DGKH: variants seen among roughly 807,000 people sequenced by gnomAD.
The protein encoded by DGKH is diacylglycerol kinase eta.
A neutral mutation model predicts 159.3 loss-of-function variants in DGKH; 90 were observed. The ratio of observed to expected loss-of-function variants is 0.57; its 90% CI spans 0.48 to 0.67. The LOEUF (loss-of-function observed/expected upper bound fraction) is 0.67. Ranked by LOEUF, DGKH falls within the 30% of genes least tolerant of loss-of-function variation. The pLI is 0.00. For synonymous variants in DGKH, 536 were observed against 553.8 expected, an observed-to-expected ratio of 0.97 and a Z score of 0.45; for missense variants, 1,181 against 1,506.1, an observed-to-expected ratio of 0.78 and a Z score of 3.57.
At chr13:42,101,250 T>C (rs1954646921) in intron 1 of DGKH, among the ~76,000 whole-genome samples, 1 of 152,244 alleles carries the variant, frequency 6.6e-6, no homozygotes, top group African/African-American at 2.4e-5. Context: ...CTGCGTATCC[T>C]TTAAAAATAG....
intron 1 of DGKH, among the ~76,000 whole-genome samples, chr13:42,121,433 A>G (rs1955070276): frequency 6.6e-6 from 1 of 152,202 alleles, no homozygotes; most frequent in Non-Finnish European, 1.5e-5. Context: ...TCAACTTATG[A>G]TGAGTTTATT....
In DGKH at chr13:42,048,679, A is replaced by C; in HGVS notation, c.-95A>C. 8.3e-7 allele frequency: 1 copy of C among 1,205,348 alleles called. No homozygotes were observed. The highest frequency in any genetic ancestry group is 1.0e-6 in the Non-Finnish European group (1 of 967,410). 74.7% of individuals were successfully genotyped at this position (1,205,348 alleles called of 1,614,324 possible). ...CGGAAGATGGCGGCGGCGGCCGGGC[A>C]CGGGGTTCCGGGCTCCGCTCGGGCA... On this transcript the variant is annotated 5_prime_UTR_variant, in exon 1 of 30. Coordinates refer to ENST00000337343, the MANE Select transcript of DGKH (RefSeq NM_178009.5). This position sits in a 1 kb window ranked among gnomAD's most constrained non-coding sequence, Gnocchi z 6.7.
At chr13:42,083,539 A>C (rs1235103155) in intron 1 of DGKH, among the ~76,000 whole-genome samples, 1 of 152,232 alleles carries the variant, frequency 6.6e-6, no homozygotes, top group African/African-American at 2.4e-5. Flanking sequence ...GCGCCATTTT[A>C]TCTAGCGCCG....
intron 1 of DGKH, among the ~76,000 whole-genome samples, chr13:42,121,780 A>G (rs1043906280): frequency 2.0e-5 from 3 of 152,212 alleles, no homozygotes; most frequent in Non-Finnish European, 4.4e-5. Flanking sequence ...CATGGTTTCT[A>G]TGGAAAGATG....
intron 13 of DGKH, among the ~76,000 whole-genome samples, chr13:42,179,601 T>A (rs1956696010): frequency 6.6e-6 from 1 of 151,964 alleles, no homozygotes; most frequent in Non-Finnish European, 1.5e-5. Flanking sequence ...TGACAAAACC[T>A]CATCTCTACT....
At chr13:42,127,392 C>A in intron 1 of DGKH, 71 bp from the exon 2 acceptor site, 1 of 1,060,820 alleles carries the variant, frequency 9.4e-7, no homozygotes, top group South Asian at 1.3e-5. Context: ...GAAAATGCAC[C>A]ATTGGCTCTG....
At chr13:42,041,882 C>T (rs1255646720) in intron 1 of DGKH, among the ~76,000 whole-genome samples, 1 of 152,200 alleles carries the variant, frequency 6.6e-6, no homozygotes, top group Non-Finnish European at 1.5e-5. Flanking sequence ...TGCTGTTTTC[C>T]CAGGGACTCT....
intron 29 of DGKH, among the ~76,000 whole-genome samples, chr13:42,248,111 C>T (rs1308454804): frequency 6.6e-6 from 1 of 152,178 alleles, no homozygotes; most frequent in Non-Finnish European, 1.5e-5. Flanking sequence ...AACTTCCAGT[C>T]CTATAAGCTC....
chr13:42,097,931 A>G (rs1045027139), intron 1 of DGKH, among the ~76,000 whole-genome samples: 1 of 152,170 alleles, frequency 6.6e-6, no homozygotes, highest in Non-Finnish European at 1.5e-5. Flanking sequence ...TGTTTGTTCA[A>G]GTGAGTTGAT....
intron 1 of DGKH, among the ~76,000 whole-genome samples, chr13:42,061,648 C>T (rs1462156128): frequency 6.6e-6 from 1 of 152,148 alleles, no homozygotes; most frequent in African/African-American, 2.4e-5. Context: ...TACTCCAGTG[C>T]CAGAGTTATC....
intron 1 of DGKH, among the ~76,000 whole-genome samples, chr13:42,118,489 G>A (rs920512953): frequency 6.6e-6 from 1 of 152,168 alleles, no homozygotes; most frequent in Non-Finnish European, 1.5e-5. Flanking sequence ...CTTAAAGGCC[G>A]CGACCTGGTG....
chr13:42,159,909 TA>T, intron 6 of DGKH, 101 bp from the exon 7 acceptor site: 4 of 1,547,808 alleles, frequency 2.6e-6, no homozygotes, highest in Non-Finnish European at 3.5e-6. Context: ...GCATGAAACG[TA>T]CTACTGACCC....
rs115656162 is a variant in DGKH, at chr13:42,088,185, A to T, written c.192+39220A>T. 8.1e-3 allele frequency among the ~76,000 whole-genome samples: 1,241 copies of T among 152,324 alleles called. 21 individuals carry two copies. The highest frequency in any genetic ancestry group is 0.029 in the African/African-American group (1,194 of 41,578). On this transcript the variant is annotated intron_variant, in intron 1 of 29. Coordinates refer to ENST00000337343, the MANE Select transcript of DGKH (RefSeq NM_178009.5). ...TGCTCAGTGAAAAATATCTTTCAAA[A>T]GTGAAGGCAAAATAAATAATTTTGG...
intron 1 of DGKH, among the ~76,000 whole-genome samples, chr13:42,077,829 A>G (rs182713210): frequency 1.4e-4 from 21 of 152,344 alleles, no homozygotes; most frequent in Non-Finnish European, 2.5e-4. Flanking sequence ...CTATAATGTG[A>G]GCTGCAAGGG....
At chr13:42,254,631 GAAAA>G (rs200462395) in intron 30 of DGKH, among the ~76,000 whole-genome samples, 4,394 of 111,474 alleles carry the variant, frequency 0.039, 91 homozygotes, top group Middle Eastern at 0.13. Flanking sequence ...AGCTCCGTCA[GAAAA>G]AAAAAAAAAA....
At chr13:42,099,668 C>G (rs1251494168) in intron 1 of DGKH, among the ~76,000 whole-genome samples, 1 of 152,148 alleles carries the variant, frequency 6.6e-6, no homozygotes, top group Non-Finnish European at 1.5e-5. Flanking sequence ...CAACTACGAG[C>G]TAGGCAACTA....
rs763583202 is a variant in DGKH, at chr13:42,048,862, C to G, written c.89C>G (p.Ala30Gly). The change falls in exon 1 of 30, where the codon GCC becomes GGC. Residue 30 changes from alanine (A) to glycine (G), a missense_variant. Physicochemically the swap from Ala to Gly is moderately conservative, Grantham distance 60. Coordinates refer to ENST00000337343, the MANE Select transcript of DGKH (RefSeq NM_178009.5). The surrounding 1 kb of genome is among the most constrained non-coding windows in gnomAD (Gnocchi z 6.7). Reference sequence around the variant, plus strand: ...GGCGCCGCGGTCACCTCCGCCGCTGCCTCGGCGGGGCCGGGAGAGGATTCG... The same window carrying G: ...GGCGCCGCGGTCACCTCCGCCGCTGGCTCGGCGGGGCCGGGAGAGGATTCG... The part of the protein sequence containing the change: ...GAGAAVTSAA[A>G]SAGPGEDSSD... 4 of 1,375,262 alleles carry G rather than the reference C, an allele frequency of 2.9e-6. No homozygotes were observed. Among genetic ancestry groups the G allele is most frequent in the Non-Finnish European group, 3.8e-6 (4 of 1,060,834 alleles). 85.2% of individuals were successfully genotyped at this position (1,375,262 alleles called of 1,614,324 possible).
chr13:42,150,941 A>G lies in DGKH; in HGVS notation c.385-4350A>G, dbSNP rs573445038. Among the ~76,000 whole-genome samples, 4 of 152,154 alleles carry G rather than the reference A, an allele frequency of 2.6e-5. No individual in the cohort carries two copies. The South Asian group carries it at 8.3e-4, about 32-fold the overall frequency. ...GGCCCAGTGCAATAAGAGGGAAGCA[A>G]GAGGAATCAGAGAGTCAGAGAAGGT... On this transcript the variant is annotated intron_variant, in intron 3 of 29. Coordinates refer to ENST00000337343, the MANE Select transcript of DGKH (RefSeq NM_178009.5).
At chr13:42,049,149 T>G (rs1294999687) in intron 1 of DGKH, among the ~76,000 whole-genome samples, 184 bp downstream of exon 1, 10 of 27,310 alleles carry the variant, frequency 3.7e-4, no homozygotes, top group South Asian at 1.1e-3. Flanking sequence ...GGTGAGACGG[T>G]GAGGCGGGGC....
Sources: gnomAD v4.1 joint callset for allele counts (sites outside exome capture counted in the v4.1 genomes callset) on GRCh38, gnomAD v4.1.1 for gene constraint, Gnocchi (gnomAD v3.1) non-coding constraint, MANE v1.5 for transcripts, NCBI Gene and HGNC (gene_info 2026-07-23, HGNC 2026-07-21) for gene names.